CCDC7: variants seen among roughly 807,000 people sequenced by gnomAD.
CCDC7 encodes coiled-coil domain-containing protein 7.
A neutral mutation model predicts 196.9 loss-of-function variants in CCDC7; 183 were observed. That is an observed-to-expected ratio of 0.93 (90% CI 0.82 to 1.05). The LOEUF is 1.05. CCDC7 is among the 50% of genes least tolerant of loss of function. The probability of loss-of-function intolerance (pLI) is 0.00; values close to 1 mark genes in which losing one functional copy is unlikely to be tolerated. For synonymous variants in CCDC7, 525 were observed against 484.6 expected (o/e 1.08, Z -1.10); for missense variants, 1,540 against 1,482.2 (o/e 1.04, Z -0.64).
intron 20 of CCDC7, among the ~76,000 whole-genome samples, chr10:32,636,051 C>G (rs2139641838): frequency 6.6e-6 from 1 of 152,176 alleles, no homozygotes; most frequent in Admixed American, 6.5e-5. Context: ...CTCTGTGTAT[C>G]TAAAAAGTAG....
At chr10:32,684,627 A>T (rs879067549) in intron 21 of CCDC7, among the ~76,000 whole-genome samples, 2 of 152,158 alleles carry the variant, frequency 1.3e-5, no homozygotes, top group African/African-American at 4.8e-5. Context: ...CCACTTATAA[A>T]TTTGTAAGTT....
chr10:32,603,793 TG>T (rs1187377507), intron 18 of CCDC7, among the ~76,000 whole-genome samples: 1 of 152,152 alleles, frequency 6.6e-6, no homozygotes, highest in African/African-American at 2.4e-5. Context: ...CAACTTTTAA[TG>T]GGATTATTTG....
intron 29 of CCDC7, among the ~76,000 whole-genome samples, chr10:32,787,474 G>A (rs1053753800): frequency 8.5e-5 from 13 of 152,182 alleles, no homozygotes; most frequent in African/African-American, 2.9e-4. Flanking sequence ...CATTGAATAG[G>A]GGAGGAAGGA....
intron 13 of CCDC7, among the ~76,000 whole-genome samples, chr10:32,553,787 G>T (rs899676484): frequency 6.6e-6 from 1 of 152,178 alleles, no homozygotes; most frequent in Non-Finnish European, 1.5e-5. Flanking sequence ...CTCTATTTTT[G>T]TGCTGGTTGG....
At chr10:32,525,918 AC>A (rs2048603837) in intron 11 of CCDC7, among the ~76,000 whole-genome samples, 1 of 151,922 alleles carries the variant, frequency 6.6e-6, no homozygotes, top group Non-Finnish European at 1.5e-5. Flanking sequence ...TTGTGCAAGC[AC>A]CCCTGTGGTC....
At chr10:32,796,149 C>G (rs150173255) in intron 29 of CCDC7, among the ~76,000 whole-genome samples, 1 of 151,830 alleles carries the variant, frequency 6.6e-6, no homozygotes, top group African/African-American at 2.4e-5. Flanking sequence ...AGGGACAAGT[C>G]GCTGTCTGCT....
intron 20 of CCDC7, among the ~76,000 whole-genome samples, chr10:32,657,842 C>G (rs1331131652): frequency 2.0e-5 from 3 of 152,124 alleles, no homozygotes; most frequent in Non-Finnish European, 2.9e-5. Flanking sequence ...TTATGTTCTG[C>G]TTCCTCTTGA....
intron 20 of CCDC7, among the ~76,000 whole-genome samples, chr10:32,647,945 A>AT (rs1366489748): frequency 6.6e-6 from 1 of 152,228 alleles, no homozygotes; most frequent in East Asian, 1.9e-4. Context: ...GTCTTCTAGG[A>AT]TTTTTATAGT....
chr10:32,726,751 A>G (rs557240647), exon 26 of CCDC7: 35 of 1,594,332 alleles, frequency 2.2e-5, no homozygotes, highest in South Asian at 1.8e-4. Context: ...TAAAAATTCT[A>G]TGTTTGTTCA....
chr10:32,505,148 T>A (rs1396564890), intron 9 of CCDC7, among the ~76,000 whole-genome samples: 2 of 114,224 alleles, frequency 1.8e-5, no homozygotes, highest in Non-Finnish European at 3.6e-5. Context: ...CCTTTATAAT[T>A]TTTTTTATGC....
intron 21 of CCDC7, among the ~76,000 whole-genome samples, chr10:32,670,768 G>GT (rs527532165): frequency 2.0e-5 from 3 of 151,582 alleles, no homozygotes; most frequent in Admixed American, 6.6e-5. Context: ...CTTTTCTATT[G>GT]TTTTTTTCTC....
chr10:32,640,378 C>T (rs1172547447), intron 20 of CCDC7, among the ~76,000 whole-genome samples: 1 of 151,970 alleles, frequency 6.6e-6, no homozygotes. Flanking sequence ...TTCCTCCATC[C>T]CTTTATTTTG....
At chr10:32,809,990 A>G (rs2086735361) in intron 30 of CCDC7, among the ~76,000 whole-genome samples, 2 of 152,204 alleles carry the variant, frequency 1.3e-5, no homozygotes, top group East Asian at 1.9e-4. Context: ...AATGTCTATC[A>G]GTGATAGACT....
At chr10:32,871,302 T>G (rs1328039204) in intron 41 of CCDC7, among the ~76,000 whole-genome samples, 2 of 152,180 alleles carry the variant, frequency 1.3e-5, no homozygotes, top group Non-Finnish European at 2.9e-5. Context: ...TATTCAGAGA[T>G]TCAACTTCTT....
chr10:32,775,195 T>C (rs2079811726), intron 28 of CCDC7, among the ~76,000 whole-genome samples: 1 of 152,212 alleles, frequency 6.6e-6, no homozygotes, highest in African/African-American at 2.4e-5. Flanking sequence ...AAAACCTGTG[T>C]ACTGTTATAG....
downstream of CCDC7, among the ~76,000 whole-genome samples, chr10:32,877,950 A>AT (rs879619986): frequency 4.9e-3 from 718 of 146,330 alleles, 5 homozygotes; most frequent in Middle Eastern, 0.014. Flanking sequence ...GTTGCAGTTG[A>AT]TTTTTTTTTT....
chr10:32,845,920 A>G, exon 36 of CCDC7: 1 of 1,612,520 alleles, frequency 6.2e-7, no homozygotes, highest in Non-Finnish European at 8.5e-7. Context: ...AAGAGGTATA[A>G]TAATAGGGCC....
intron 18 of CCDC7, among the ~76,000 whole-genome samples, chr10:32,624,384 G>A (rs1053877921): frequency 6.6e-6 from 1 of 152,142 alleles, no homozygotes; most frequent in African/African-American, 2.4e-5. Flanking sequence ...TGCCTTCCAA[G>A]TTGTAGCAGT....
intron 25 of CCDC7, among the ~76,000 whole-genome samples, chr10:32,712,960 T>A (rs990712888): frequency 6.6e-6 from 1 of 152,160 alleles, no homozygotes; most frequent in African/African-American, 2.4e-5. Flanking sequence ...ATTATTCCCT[T>A]TTTTATCCCC....
Sources: allele counts gnomAD v4.1 joint callset (sites outside exome capture counted in the v4.1 genomes callset), GRCh38; gene constraint gnomAD v4.1.1; transcripts MANE v1.5; gene names NCBI Gene and HGNC (gene_info 2026-07-23, HGNC 2026-07-21).